PROM1: variants seen among roughly 807,000 people sequenced by gnomAD.
PROM1 encodes the protein prominin 1, also known as prominin-1.
A neutral mutation model predicts 116.9 loss-of-function variants in PROM1; 105 were observed. The observed-to-expected ratio is 0.90, with a 90% CI of 0.77 to 1.06. The LOEUF (loss-of-function observed/expected upper bound fraction) is 1.06. Ranked by LOEUF, PROM1 falls within the 50% of genes least tolerant of loss-of-function variation. The probability of loss-of-function intolerance (pLI) is 0.00; values close to 1 mark genes in which losing one functional copy is unlikely to be tolerated. For missense variants in PROM1, 1,122 were observed against 1,045.2 expected (o/e 1.07, Z -1.01); for synonymous variants, 393 against 387.0 (o/e 1.02, Z -0.18).
At chr4:16,063,783 T>TA (rs756004717) in intron 2 of PROM1, among the ~76,000 whole-genome samples, 15 of 152,198 alleles carry the variant, frequency 9.9e-5, no homozygotes, top group Non-Finnish European at 2.1e-4. Flanking sequence ...CCACAGCATA[T>TA]AATAGCATTG....
chr4:16,038,468 T>C (rs1734433331), intron 3 of PROM1, among the ~76,000 whole-genome samples: 2 of 152,218 alleles, frequency 1.3e-5, no homozygotes, highest in African/African-American at 2.4e-5. Context: ...AATGGCACCA[T>C]CTCGGCTCAC....
chr4:15,989,662 A>ATT, intron 19 of PROM1, 70 bp downstream of exon 19: 1 of 1,312,444 alleles, frequency 7.6e-7, no homozygotes, highest in Non-Finnish European at 1.1e-6. Flanking sequence ...GTGAGGCTAA[A>ATT]TGAAAGCCAA....
chr4:16,021,575 T>C (rs1178711337), intron 8 of PROM1, among the ~76,000 whole-genome samples: 1 of 152,194 alleles, frequency 6.6e-6, no homozygotes, highest in Non-Finnish European at 1.5e-5. Context: ...AACAAAAAGA[T>C]CTTGTTCAAT....
chr4:15,974,539 C>T (rs1052284398), intron 26 of PROM1, among the ~76,000 whole-genome samples: 3 of 152,230 alleles, frequency 2.0e-5, no homozygotes, highest in African/African-American at 7.2e-5. Flanking sequence ...CTGGGAAACG[C>T]TCCATGAAGC....
intron 15 of PROM1, among the ~76,000 whole-genome samples, chr4:15,994,680 T>C (rs1038213655): frequency 6.6e-6 from 1 of 152,086 alleles, no homozygotes; most frequent in African/African-American, 2.4e-5. Flanking sequence ...ATAGGAAAAT[T>C]TGACTTTTTT....
chr4:16,052,376 C>T (rs1447944254), intron 2 of PROM1, among the ~76,000 whole-genome samples: 1 of 152,244 alleles, frequency 6.6e-6, no homozygotes, highest in East Asian at 1.9e-4. Flanking sequence ...TTCCCCATTT[C>T]TACAACATGG....
chr4:15,970,273 C>T (rs936072430), intron 27 of PROM1, among the ~76,000 whole-genome samples: 8 of 149,192 alleles, frequency 5.4e-5, no homozygotes, highest in African/African-American at 2.0e-4. Context: ...TGAAGCGATT[C>T]TCCTGCCTTG....
At chr4:16,039,426 A>C (rs530135320) in intron 2 of PROM1, among the ~76,000 whole-genome samples, 1 of 152,294 alleles carries the variant, frequency 6.6e-6, no homozygotes, top group East Asian at 1.9e-4. Context: ...AAAGGAATGG[A>C]TGAAAGGAAT....
At chr4:15,974,000 C>A (rs939059693) in intron 26 of PROM1, among the ~76,000 whole-genome samples, 1 of 152,126 alleles carries the variant, frequency 6.6e-6, no homozygotes, top group Non-Finnish European at 1.5e-5. Context: ...TGCTCTCAAG[C>A]CTTTGTGGTC....
intron 5 of PROM1, among the ~76,000 whole-genome samples, chr4:16,031,713 G>A (rs574062492): frequency 6.6e-6 from 1 of 152,248 alleles, no homozygotes; most frequent in South Asian, 2.1e-4. Context: ...ACACCCCAAT[G>A]TCATGGAGAC....
chr4:16,037,211 T>C (rs1179902088), intron 3 of PROM1, among the ~76,000 whole-genome samples: 1 of 152,228 alleles, frequency 6.6e-6, no homozygotes, highest in Non-Finnish European at 1.5e-5. Context: ...TGGCTAAGCA[T>C]GTTATGCTAA....
At chr4:16,066,528 C>T (rs1578289708) in intron 2 of PROM1, among the ~76,000 whole-genome samples, 1 of 152,274 alleles carries the variant, frequency 6.6e-6, no homozygotes, top group East Asian at 1.9e-4. Context: ...GCAGTGACTC[C>T]AGGGCCACTG....
intron 27 of PROM1, 103 bp downstream of exon 27, chr4:15,970,940 C>A: frequency 1.1e-6 from 1 of 909,810 alleles, no homozygotes; most frequent in Non-Finnish European, 1.7e-6. Context: ...ATCTAGATTT[C>A]CCACTTAATG....
intron 14 of PROM1, among the ~76,000 whole-genome samples, chr4:15,998,937 C>T (rs1329361226): frequency 3.3e-5 from 5 of 152,128 alleles, no homozygotes; most frequent in South Asian, 4.2e-4. Context: ...ACCATGTTGG[C>T]CAGGCTGATC....
At chr4:15,981,583 A>G (rs562619562) in intron 23 of PROM1, among the ~76,000 whole-genome samples, 8 of 151,508 alleles carry the variant, frequency 5.3e-5, no homozygotes, top group African/African-American at 1.7e-4. Flanking sequence ...AAAAAAAGAA[A>G]AAAAAAAAAG....
At chr4:16,003,404 G>GC (rs754770980) in intron 13 of PROM1, 4 of 456,688 alleles carry the variant, frequency 8.8e-6, no homozygotes. Flanking sequence ...TCTTTTTACA[G>GC]CCCTTGCTAT....
intron 13 of PROM1, among the ~76,000 whole-genome samples, chr4:16,004,835 TCCTTCCTTCCTTCCTTCCTTCCTTCC>T (rs1724833220): frequency 1.6e-5 from 1 of 62,038 alleles, no homozygotes. Context: ...TTCTTTTTCT[TCCTTCCTTCCTTCCTTCCTTCCTTCC>T]TCTCTCTCTC....
At chr4:15,978,983 G>C (rs1716962688) in intron 26 of PROM1, among the ~76,000 whole-genome samples, 1 of 150,236 alleles carries the variant, frequency 6.7e-6, no homozygotes, top group Middle Eastern at 3.2e-3. Flanking sequence ...TTATTGGAAG[G>C]AAGGAAAAAA....
intron 2 of PROM1, among the ~76,000 whole-genome samples, chr4:16,056,375 G>A (rs1386393372): frequency 6.6e-6 from 1 of 152,166 alleles, no homozygotes; most frequent in Non-Finnish European, 1.5e-5. Context: ...GTACACAAGA[G>A]TGTATCCGCT....
Sources: allele counts gnomAD v4.1 joint callset (sites outside exome capture counted in the v4.1 genomes callset), GRCh38; gene constraint gnomAD v4.1.1; transcripts MANE v1.5; gene names NCBI Gene and HGNC (gene_info 2026-07-23, HGNC 2026-07-21).